The following C12orf54 variants were observed in gnomAD, a reference collection of about 807,000 sequenced individuals.
C12orf54 encodes chromosome 12 open reading frame 54, also known as uncharacterized protein C12orf54.
Under a neutral mutation model 26.4 loss-of-function variants are expected in C12orf54, and 24 were observed. The observed-to-expected ratio is 0.91, with a 90% CI of 0.66 to 1.28. The LOEUF is 1.28. Among genes scored for constraint, C12orf54 ranks in the 50% most tolerant of loss-of-function variants. The pLI is 0.00. For missense variants in C12orf54, 154 were observed against 150.9 expected, an observed-to-expected ratio of 1.02 and a Z score of -0.11; for synonymous variants, 54 against 47.0, an observed-to-expected ratio of 1.15 and a Z score of -0.61.
the C12orf54 span, among the ~76,000 whole-genome samples, chr12:48,429,995 C>T: frequency 1.3e-5 from 2 of 152,048 alleles, no homozygotes; most frequent in African/African-American, 4.8e-5. Context: ...GAATAAAGAA[C>T]CCAGAAATAA....
At chr12:48,476,524 A>C in the C12orf54 span, among the ~76,000 whole-genome samples, 8 of 152,350 alleles carry the variant, frequency 5.3e-5, no homozygotes, top group African/African-American at 1.9e-4. Context: ...AGACACACAT[A>C]GGCTCAAAAT....
chr12:48,443,768 C>A, the C12orf54 span, among the ~76,000 whole-genome samples: 1 of 152,178 alleles, frequency 6.6e-6, no homozygotes, highest in Non-Finnish European at 1.5e-5. Context: ...AGTGACAGCC[C>A]AGATTAAAAT....
At chr12:48,449,361 G>A in the C12orf54 span, among the ~76,000 whole-genome samples, 1 of 152,158 alleles carries the variant, frequency 6.6e-6, no homozygotes, top group East Asian at 1.9e-4. Flanking sequence ...AAAGAAACAT[G>A]TTTTGAGGTA....
chr12:48,476,429 C>G, the C12orf54 span, among the ~76,000 whole-genome samples: 4 of 152,034 alleles, frequency 2.6e-5, no homozygotes, highest in Non-Finnish European at 2.9e-5. Flanking sequence ...CTAAATGCTC[C>G]AATTAAAAGA....
At chr12:48,418,006 C>T in the C12orf54 span, among the ~76,000 whole-genome samples, 1 of 152,086 alleles carries the variant, frequency 6.6e-6, no homozygotes, top group Admixed American at 6.6e-5. Flanking sequence ...TAGGTTGATT[C>T]CATGTCTTTG....
the C12orf54 span, among the ~76,000 whole-genome samples, chr12:48,437,059 C>T: frequency 6.6e-6 from 1 of 151,812 alleles, no homozygotes; most frequent in Non-Finnish European, 1.5e-5. Flanking sequence ...TAAAAAATGA[C>T]AAAGGGGATA....
chr12:48,415,865 C>A, the C12orf54 span, among the ~76,000 whole-genome samples: 1 of 152,056 alleles, frequency 6.6e-6, no homozygotes, highest in Non-Finnish European at 1.5e-5. Context: ...AGTCAAAATG[C>A]AACCAACCAG....
At chr12:48,469,014 G>A in the C12orf54 span, among the ~76,000 whole-genome samples, 1 of 152,280 alleles carries the variant, frequency 6.6e-6, no homozygotes, top group Non-Finnish European at 1.5e-5. Flanking sequence ...GAGATCACAT[G>A]CTTCAAAGGC....
the C12orf54 span, among the ~76,000 whole-genome samples, chr12:48,436,933 C>A: frequency 6.6e-6 from 1 of 152,112 alleles, no homozygotes; most frequent in African/African-American, 2.4e-5. Flanking sequence ...AATAGAGACA[C>A]AACAAACCCT....
chr12:48,473,171 CAAGGAGGAGGAT>C, the C12orf54 span: 1 of 1,486,770 alleles, frequency 6.7e-7, no homozygotes, highest in Admixed American at 1.7e-5. Flanking sequence ...GCCTGGATGA[CAAGGAGGAGGAT>C]GAGGATGAGG....
chr12:48,467,761 C>G, the C12orf54 span, among the ~76,000 whole-genome samples: 28 of 151,998 alleles, frequency 1.8e-4, 1 homozygote, highest in Non-Finnish European at 7.4e-5. Context: ...TATACGCATG[C>G]CCAAAATTAA....
the C12orf54 span, among the ~76,000 whole-genome samples, chr12:48,453,583 A>ATATGTGTGTGTATATATACG: frequency 9.3e-6 from 1 of 107,052 alleles, no homozygotes; most frequent in Non-Finnish European, 2.1e-5. Context: ...ACATATACAC[A>ATATGTGTGTGTATATATACG]TATATATGTG....
the C12orf54 span, among the ~76,000 whole-genome samples, chr12:48,466,958 C>T: frequency 6.6e-6 from 1 of 152,026 alleles, no homozygotes; most frequent in Non-Finnish European, 1.5e-5. Flanking sequence ...AATGGAAAAA[C>T]AAATGGTAGT....
At chr12:48,484,496 TG>T (rs1403243448) in intron 2 of C12orf54, among the ~76,000 whole-genome samples, 1 of 152,146 alleles carries the variant, frequency 6.6e-6, no homozygotes, top group Non-Finnish European at 1.5e-5. Context: ...CTTTTTTTGG[TG>T]GTAAAAGTGG....
At chr12:48,471,977 T>C in the C12orf54 span, among the ~76,000 whole-genome samples, 29,965 of 152,052 alleles carry the variant, frequency 0.2, 3,275 homozygotes, top group South Asian at 0.3. Context: ...TTCATGAACA[T>C]GGGATGTTTT....
chr12:48,479,193 T>C (rs1954174057), upstream of C12orf54, among the ~76,000 whole-genome samples: 1 of 152,068 alleles, frequency 6.6e-6, no homozygotes, highest in African/African-American at 2.4e-5. Flanking sequence ...TAAAAAATGA[T>C]GAGTTCATGT....
At chr12:48,485,065 A>G (rs13377969) in intron 2 of C12orf54, among the ~76,000 whole-genome samples, 2 of 151,930 alleles carry the variant, frequency 1.3e-5, no homozygotes, top group Non-Finnish European at 2.9e-5. Context: ...ATGTCTTTTT[A>G]TTTTTATTTT....
chr12:48,458,376 A>T, the C12orf54 span, among the ~76,000 whole-genome samples: 1 of 152,172 alleles, frequency 6.6e-6, no homozygotes, highest in Non-Finnish European at 1.5e-5. Context: ...AGTTAAACAT[A>T]CATGGAATTT....
intron 6 of C12orf54, 45 bp downstream of exon 6, chr12:48,490,881 G>A (rs1592203380): frequency 1.2e-6 from 2 of 1,600,476 alleles, no homozygotes; most frequent in East Asian, 4.5e-5. Flanking sequence ...AACAAGGGAG[G>A]GGATTTGGAA....
Sources: allele counts gnomAD v4.1 joint callset (sites outside exome capture counted in the v4.1 genomes callset), GRCh38; gene constraint gnomAD v4.1.1; transcripts MANE v1.5; gene names NCBI Gene and HGNC (gene_info 2026-07-23, HGNC 2026-07-21).